The following MEGF11 variants were observed in gnomAD, a reference collection of about 807,000 sequenced individuals.
MEGF11 encodes multiple epidermal growth factor-like domains protein 11.
MEGF11 carries 126 observed loss-of-function variants against 146.6 expected under a neutral mutation model. The observed-to-expected ratio is 0.86, with a 90% CI of 0.74 to 1.00. MEGF11 has a LOEUF of 1.00. Among genes scored for constraint, MEGF11 ranks in the 50% least tolerant of loss-of-function variants. The pLI, the probability that MEGF11 is intolerant of heterozygous loss-of-function variation, is 0.00. For missense variants in MEGF11, 1,509 were observed against 1,521.2 expected (o/e 0.99, Z 0.13); for synonymous variants, 532 against 583.4 (o/e 0.91, Z 1.27).
intron 1 of MEGF11, among the ~76,000 whole-genome samples, chr15:66,245,071 T>G (rs1002061022): frequency 4.6e-5 from 7 of 152,174 alleles, no homozygotes; most frequent in African/African-American, 1.4e-4. Context: ...GATATCACTG[T>G]GGGCTCCAGT....
At chr15:66,172,279 C>T (rs147303172) in intron 1 of MEGF11, among the ~76,000 whole-genome samples, 1 of 152,350 alleles carries the variant, frequency 6.6e-6, no homozygotes, top group East Asian at 1.9e-4. Context: ...CTCCTCTCAC[C>T]CTGCCTCCCT....
intron 1 of MEGF11, among the ~76,000 whole-genome samples, chr15:66,242,243 C>CA (rs200223550): frequency 1.5e-4 from 23 of 149,110 alleles, no homozygotes; most frequent in East Asian, 4.0e-4. Context: ...CCCATCTCTA[C>CA]AAAAAAAAAT....
At position 66,157,225 on chromosome 15, in the gene MEGF11, G is replaced by A. The variant is rs148688127; in HGVS notation, c.-8-28814C>T. 9.0e-4 allele frequency among the ~76,000 whole-genome samples: 137 copies of A among 152,254 alleles called. No homozygotes were observed. In the East Asian group the frequency reaches 0.011, roughly 12 times the overall value. On this transcript the variant is annotated intron_variant, in intron 1 of 25. Transcript: ENST00000395614. ...AGGCCATGTCTAGTGACATCTCCACGGGCAAACGTAGCCAGCCTCCCTCCT... is the reference window on the plus strand; with the variant it reads ...AGGCCATGTCTAGTGACATCTCCACAGGCAAACGTAGCCAGCCTCCCTCCT...
chr15:66,008,162 A>T (rs796219369), intron 5 of MEGF11, among the ~76,000 whole-genome samples: 1 of 152,164 alleles, frequency 6.6e-6, no homozygotes, highest in South Asian at 2.1e-4. Context: ...TGTTTTTTAA[A>T]ATCAGGGAAC....
chr15:66,029,140 C>T (rs544254283), intron 5 of MEGF11, among the ~76,000 whole-genome samples: 3 of 151,532 alleles, frequency 2.0e-5, no homozygotes, highest in Non-Finnish European at 4.4e-5. Context: ...TGTGGCCAGG[C>T]AAACAGAATT....
intron 7 of MEGF11, among the ~76,000 whole-genome samples, chr15:65,977,975 G>T (rs551867108): frequency 6.6e-6 from 1 of 152,216 alleles, no homozygotes; most frequent in Non-Finnish European, 1.5e-5. Flanking sequence ...CAGGCTCTTT[G>T]CAAAGACCCC....
chr15:66,099,386 T>C (rs1473496165), intron 4 of MEGF11, among the ~76,000 whole-genome samples: 1 of 152,036 alleles, frequency 6.6e-6, no homozygotes, highest in African/African-American at 2.4e-5. Context: ...GGTTTCACCA[T>C]GTTGGCCAGG....
At chr15:65,964,513 G>A (rs746201201) in intron 9 of MEGF11, among the ~76,000 whole-genome samples, 9 of 152,138 alleles carry the variant, frequency 5.9e-5, no homozygotes, top group Non-Finnish European at 1.3e-4. Flanking sequence ...GCAAGTGGAG[G>A]GAAATATTCT....
chr15:66,165,614 C>T (rs1017148140), intron 1 of MEGF11, among the ~76,000 whole-genome samples: 11 of 152,300 alleles, frequency 7.2e-5, no homozygotes, highest in African/African-American at 9.6e-5. Context: ...TTTTGGGCCT[C>T]GCCTCCCTCT....
At chr15:65,932,880 G>T (rs982880535) in intron 10 of MEGF11, among the ~76,000 whole-genome samples, 1 of 152,118 alleles carries the variant, frequency 6.6e-6, no homozygotes, top group Non-Finnish European at 1.5e-5. Flanking sequence ...TGTCTGGGCT[G>T]GGAGACCAGA....
intron 13 of MEGF11, among the ~76,000 whole-genome samples, chr15:65,927,745 C>T (rs2079422741): frequency 6.6e-6 from 1 of 152,172 alleles, no homozygotes; most frequent in South Asian, 2.1e-4. Context: ...AAGTAGACTG[C>T]AGCCCTGGTG....
chr15:66,222,043 A>G (rs1260502095), intron 1 of MEGF11, among the ~76,000 whole-genome samples: 1 of 152,188 alleles, frequency 6.6e-6, no homozygotes, highest in Non-Finnish European at 1.5e-5. Context: ...CCTTCTTCCC[A>G]AGATGAAATT....
intron 5 of MEGF11, among the ~76,000 whole-genome samples, chr15:66,075,144 T>C (rs1006555845): frequency 2.0e-5 from 3 of 152,238 alleles, no homozygotes; most frequent in Non-Finnish European, 2.9e-5. Context: ...GACATCCTGA[T>C]TCACAATGAA....
intron 15 of MEGF11, among the ~76,000 whole-genome samples, chr15:65,921,272 C>T (rs1447355618): frequency 6.6e-6 from 1 of 152,008 alleles, no homozygotes; most frequent in African/African-American, 2.4e-5. Flanking sequence ...TGCTTTTAGC[C>T]CTAAGTTTAA....
chr15:66,050,393 A>G (rs541144802), intron 5 of MEGF11, among the ~76,000 whole-genome samples: 2 of 152,348 alleles, frequency 1.3e-5, no homozygotes, highest in East Asian at 3.9e-4. Context: ...CTCAGCAAGG[A>G]CACATTTGAG....
intron 9 of MEGF11, among the ~76,000 whole-genome samples, chr15:65,964,037 A>G (rs569458980): frequency 6.6e-6 from 1 of 152,284 alleles, no homozygotes; most frequent in East Asian, 1.9e-4. Flanking sequence ...GGCCTGAGGG[A>G]GAAGGGATGC....
intron 5 of MEGF11, among the ~76,000 whole-genome samples, chr15:66,088,169 T>C (rs112999487): frequency 3.3e-5 from 5 of 152,266 alleles, no homozygotes; most frequent in South Asian, 4.1e-4. Context: ...AGCAGTGACA[T>C]TGAAATGATA....
intron 5 of MEGF11, among the ~76,000 whole-genome samples, chr15:65,993,240 T>C (rs1352065423): frequency 1.3e-5 from 2 of 152,146 alleles, no homozygotes; most frequent in Admixed American, 6.5e-5. Context: ...TTTCACCTTA[T>C]ACCATACAGC....
chr15:65,991,148 G>C (rs1486543218), intron 5 of MEGF11, among the ~76,000 whole-genome samples: 1 of 152,102 alleles, frequency 6.6e-6, no homozygotes, highest in East Asian at 1.9e-4. Context: ...AACCTCCAAG[G>C]GGAGGCTGGG....
Sources: gnomAD v4.1 joint callset for allele counts (sites outside exome capture counted in the v4.1 genomes callset) on GRCh38, gnomAD v4.1.1 for gene constraint, MANE v1.5 for transcripts, NCBI Gene and HGNC (gene_info 2026-07-23, HGNC 2026-07-21) for gene names.